The following MAGI1 variants were observed in gnomAD, a reference collection of about 807,000 sequenced individuals.
MAGI1 encodes membrane-associated guanylate kinase, WW and PDZ domain-containing protein 1.
MAGI1 carries 58 observed loss-of-function variants against 139.9 expected under a neutral mutation model. That is an observed-to-expected ratio of 0.41 (90% CI 0.34 to 0.52). The LOEUF is 0.52. Among genes scored for constraint, MAGI1 ranks in the 20% least tolerant of loss-of-function variants. MAGI1 has a pLI of 0.12. For missense variants in MAGI1, 1,874 were observed against 1,901.6 expected (o/e 0.99, Z 0.27); for synonymous variants, 812 against 737.9 (o/e 1.10, Z -1.63).
rs927860331 is a variant in MAGI1 at position 65,355,823 on chromosome 3, T to C, written c.*555A>G. 1.3e-5 allele frequency: 2 copies of C among 152,684 alleles called. No homozygotes were observed. Among genetic ancestry groups the C allele is most frequent in the Admixed American group, 1.3e-4 (2 of 15,284 alleles). The allele number at this position is 152,684 out of a possible 1,614,324, so 9.5% of individuals were successfully genotyped here. On this transcript the variant is annotated 3_prime_UTR_variant, in exon 23 of 23. Transcript: ENST00000402939. ...TTCATTTGCAATAGTAGTCTTGTCA[T>C]ACAGTTTGCTTACTTTTAGGATCAT... is the stretch of plus-strand genomic sequence containing the variant.
At chr3:65,394,282 CA>C (rs1239818637) in intron 13 of MAGI1, among the ~76,000 whole-genome samples, 1 of 152,150 alleles carries the variant, frequency 6.6e-6, no homozygotes, top group Non-Finnish European at 1.5e-5. Flanking sequence ...CATTTAGGTC[CA>C]ATTTAACACC....
Position 65,425,135 on chromosome 3 carries a change from A to AAAAAAAAAAAAC in MAGI1, c.2167+4384_2167+4385insGTTTTTTTTTTT, listed in dbSNP as rs1559543283. ...AAAAAAAAAAAAAAAAAAAAAAACAAAAAAAAACACACATGCCTAAACATC... is the reference window on the plus strand; with the variant it reads ...AAAAAAAAAAAAAAAAAAAAAAACAAAAAAAAAAAAACAAAAAAACACACATGCCTAAACATC... On this transcript the variant is annotated intron_variant, in intron 12 of 22. Transcript: ENST00000402939. Among the ~76,000 whole-genome samples the AAAAAAAAAAAAC allele has an allele frequency of 7.9e-4, 69 of 87,700 alleles. 4 individuals carry two copies. The highest frequency in any genetic ancestry group is 9.9e-4 in the Non-Finnish European group (44 of 44,246). 57.5% of individuals were successfully genotyped at this position (87,700 alleles called of 152,430 possible).
intron 2 of MAGI1, among the ~76,000 whole-genome samples, chr3:65,526,899 G>C (rs2078410043): frequency 6.6e-6 from 1 of 152,004 alleles, no homozygotes; most frequent in South Asian, 2.1e-4. Context: ...AGTAACTCCT[G>C]GGACCTTCAA....
Position 65,430,828 on chromosome 3 carries a change from T to C in MAGI1, c.1417A>G (p.Thr473Ala), listed in dbSNP as rs779256461. ...PSELKGKFIHTKLRKSSRGFG... is the reference protein window; with the variant it reads ...PSELKGKFIHAKLRKSSRGFG... The stretch of plus-strand genomic sequence containing the variant: ...CCACGACTGCTTTTCCGCAGCTTTG[T>C]GTGAATGAACTTGCCTTTCAACTCA... The change falls in exon 11 of 23, where the codon ACA becomes GCA. Residue 473 changes from threonine (T) to alanine (A), a missense_variant. Thr to Ala is a moderately conservative substitution (Grantham distance 58). Around this residue, in one of 5 missense-constraint regions of MAGI1, gnomAD observed 648 missense variants for 598.1 expected, o/e 1.08. Transcript: ENST00000402939. 1 of 1,613,288 alleles carries C rather than the reference T, an allele frequency of 6.2e-7. No individual in the cohort carries two copies. Among genetic ancestry groups the C allele is most frequent in the South Asian group, 1.1e-5 (1 of 91,022 alleles).
intron 1 of MAGI1, among the ~76,000 whole-genome samples, chr3:65,734,608 G>C (rs927297210): frequency 1.3e-5 from 2 of 151,288 alleles, no homozygotes; most frequent in East Asian, 3.9e-4. Context: ...AAACTGTCTT[G>C]TCTACATAAC....
chr3:65,468,367 CTTTTTTTTTTTTT>C (rs71102860), intron 5 of MAGI1, among the ~76,000 whole-genome samples: 3 of 61,366 alleles, frequency 4.9e-5, no homozygotes, highest in Admixed American at 2.4e-4. Context: ...AGAGGGTATT[CTTTTTTTTTTTTT>C]TTTTTTTTTT....
chr3:65,719,117 A>G (rs915378938), intron 1 of MAGI1, among the ~76,000 whole-genome samples: 11 of 152,166 alleles, frequency 7.2e-5, no homozygotes, highest in African/African-American at 2.4e-4. Context: ...AAACCAAAAC[A>G]TTGTGTATTA....
rs6763552 is a variant in MAGI1, at chr3:65,779,176, A to G, written c.314-157088T>C. ...CAGGAATAACCACTTAGCCTCACTC[A>G]TTTTTTTTCTTCACTATTAAGTTTA... On this transcript the variant is annotated intron_variant, in intron 1 of 22. Coordinates refer to ENST00000402939, the MANE Select transcript of MAGI1 (RefSeq NM_001033057.2). 8.6e-3 allele frequency among the ~76,000 whole-genome samples: 1,311 copies of G among 152,132 alleles called. 21 individuals carry two copies. Among genetic ancestry groups the G allele is most frequent in the African/African-American group, 0.03 (1,235 of 41,510 alleles).
intron 18 of MAGI1, among the ~76,000 whole-genome samples, chr3:65,373,145 T>C (rs1351256388): frequency 6.6e-6 from 1 of 152,216 alleles, no homozygotes. Context: ...GCTTAATCAT[T>C]TCTAGCTTTT....
chr3:65,914,721 G>C (rs2061819497), intron 1 of MAGI1, among the ~76,000 whole-genome samples: 1 of 152,204 alleles, frequency 6.6e-6, no homozygotes, highest in South Asian at 2.1e-4. Context: ...GTTGAGAACA[G>C]TATCAACCCA....
intron 22 of MAGI1, among the ~76,000 whole-genome samples, chr3:65,357,571 T>C (rs1940308829): frequency 1.3e-5 from 2 of 151,872 alleles, no homozygotes; most frequent in Admixed American, 6.6e-5. Context: ...AATACTTGTT[T>C]TGATTTACTT....
chr3:65,845,280 AAAAAG>A (rs1426213018), intron 1 of MAGI1, among the ~76,000 whole-genome samples: 1 of 151,926 alleles, frequency 6.6e-6, no homozygotes, highest in Non-Finnish European at 1.5e-5. Context: ...GAAGAGAAGA[AAAAAG>A]AAAAGAAAAG....
At chr3:65,816,349 G>T (rs1165521282) in intron 1 of MAGI1, among the ~76,000 whole-genome samples, 1 of 152,062 alleles carries the variant, frequency 6.6e-6, no homozygotes, top group Non-Finnish European at 1.5e-5. Flanking sequence ...GTCGCCAATG[G>T]CAACAATGGC....
intron 2 of MAGI1, among the ~76,000 whole-genome samples, chr3:65,581,942 G>A (rs1274240995): frequency 6.6e-6 from 1 of 152,120 alleles, no homozygotes; most frequent in Admixed American, 6.5e-5. Context: ...CATAGTAGAT[G>A]TTTGATAAAT....
At chr3:65,551,100 TG>T (rs1347143455) in intron 2 of MAGI1, among the ~76,000 whole-genome samples, 1 of 152,122 alleles carries the variant, frequency 6.6e-6, no homozygotes, top group African/African-American at 2.4e-5. Context: ...AACTGGATCA[TG>T]GGGGCGATTT....
At chr3:65,783,174 C>A (rs2039076011) in intron 1 of MAGI1, among the ~76,000 whole-genome samples, 1 of 151,104 alleles carries the variant, frequency 6.6e-6, no homozygotes, top group African/African-American at 2.5e-5. Context: ...AAAAACAACT[C>A]TTACAATTCA....
chr3:66,020,290 A>G (rs767839392), intron 1 of MAGI1, among the ~76,000 whole-genome samples: 4 of 152,202 alleles, frequency 2.6e-5, no homozygotes, highest in Admixed American at 6.5e-5. Flanking sequence ...TACAAAAATT[A>G]GCAGGGCATG....
At position 65,364,892 on chromosome 3, in the gene MAGI1, G is replaced by A; in HGVS notation, c.3251C>T (p.Thr1084Ile). ...CCCTTGCTGAGAAGGGGTGTGTGTG[G>A]TGGTGATGGTGGCAATCTTCTCTGC... ...TNAEKIATIT[T>I]THTPSQQGTQ... The change falls in exon 19 of 23, where the codon ACC (threonine) becomes ATC (isoleucine). Residue 1084 changes from threonine to isoleucine, a missense_variant. Physicochemically the swap from Thr to Ile is moderately conservative, Grantham distance 89. Transcript: ENST00000402939. 1 of 1,614,038 alleles carries A rather than the reference G, an allele frequency of 6.2e-7. No individual in the cohort carries two copies. The highest frequency in any genetic ancestry group is 8.5e-7 in the Non-Finnish European group (1 of 1,179,968).
At chr3:65,909,272 C>A (rs766438818) in intron 1 of MAGI1, among the ~76,000 whole-genome samples, 16 of 151,984 alleles carry the variant, frequency 1.1e-4, no homozygotes, top group Non-Finnish European at 2.1e-4. Flanking sequence ...TGCCTGTAAT[C>A]TCAACATTTT....
Sources: allele counts gnomAD v4.1 joint callset (sites outside exome capture counted in the v4.1 genomes callset), GRCh38; gene constraint gnomAD v4.1.1; regional missense constraint gnomAD v4.1.1; transcripts MANE v1.5; gene names NCBI Gene and HGNC (gene_info 2026-07-23, HGNC 2026-07-21).